The following SLC24A3 variants were observed in gnomAD, a reference collection of about 807,000 sequenced individuals.
The protein encoded by SLC24A3 is sodium/potassium/calcium exchanger 3.
In SLC24A3, 28 loss-of-function variants were observed where a neutral mutation model predicts 75.8. That is an observed-to-expected ratio of 0.37 (90% CI 0.27 to 0.51). SLC24A3 has a LOEUF of 0.51. SLC24A3 is among the 20% of genes least tolerant of loss of function. The pLI is 0.94. For synonymous variants in SLC24A3, 372 were observed against 334.1 expected (o/e 1.11, Z -1.24); for missense variants, 663 against 847.8 (o/e 0.78, Z 2.71).
chr20:19,669,040 A>G (rs1040588476), intron 8 of SLC24A3, among the ~76,000 whole-genome samples: 20 of 152,144 alleles, frequency 1.3e-4, no homozygotes, highest in African/African-American at 4.1e-4. Context: ...CTTTAGACCA[A>G]TCATGATTCA....
chr20:19,445,749 T>C (rs931928346), intron 2 of SLC24A3, among the ~76,000 whole-genome samples: 7 of 152,098 alleles, frequency 4.6e-5, no homozygotes, highest in African/African-American at 1.7e-4. Flanking sequence ...GAAGTGCCCT[T>C]GAGAGGGGAG....
chr20:19,285,529 C>T (rs1983793136), intron 2 of SLC24A3, among the ~76,000 whole-genome samples: 1 of 142,252 alleles, frequency 7.0e-6, no homozygotes, highest in Non-Finnish European at 1.5e-5. Flanking sequence ...CCCTTGAAGA[C>T]CTAGTTTTGG....
chr20:19,545,029 A>AT (rs1158860734), intron 3 of SLC24A3, among the ~76,000 whole-genome samples: 2 of 152,200 alleles, frequency 1.3e-5, no homozygotes, highest in East Asian at 1.9e-4. Context: ...CATATTCATA[A>AT]TTTTTTTAAA....
Position 19,280,339 on chromosome 20 carries a change from C to A in SLC24A3, c.143-620C>A, listed in dbSNP as rs558792779. Among the ~76,000 whole-genome samples, 5 of 152,232 alleles carry A rather than the reference C, an allele frequency of 3.3e-5. No homozygotes were observed. The South Asian group carries it at 6.2e-4, about 19-fold the overall frequency. ...TCATGAACCTATGCTTTGGGGATGG[C>A]AAATTATGTCTTTGCTTGATAACCC... On this transcript the variant is annotated intron_variant, in intron 1 of 16. Coordinates refer to ENST00000328041, the MANE Select transcript of SLC24A3 (RefSeq NM_020689.4).
At chr20:19,492,636 T>G (rs1988225234) in intron 2 of SLC24A3, among the ~76,000 whole-genome samples, 2 of 152,354 alleles carry the variant, frequency 1.3e-5, no homozygotes, top group South Asian at 4.1e-4. Flanking sequence ...CATATTTACA[T>G]GTTCACCATA....
At chr20:19,302,984 A>G (rs1365916922) in intron 2 of SLC24A3, among the ~76,000 whole-genome samples, 2 of 151,164 alleles carry the variant, frequency 1.3e-5, no homozygotes, top group East Asian at 3.9e-4. Context: ...GGAACGTGAT[A>G]ATGAACTTAG....
At chr20:19,708,714 G>A (rs1438955514) in intron 15 of SLC24A3, among the ~76,000 whole-genome samples, 1 of 152,220 alleles carries the variant, frequency 6.6e-6, no homozygotes, top group Non-Finnish European at 1.5e-5. Flanking sequence ...ACCTAGATAG[G>A]TAACTTGGGG....
At chr20:19,695,212 T>C (rs1352216314) in intron 13 of SLC24A3, among the ~76,000 whole-genome samples, 2 of 152,204 alleles carry the variant, frequency 1.3e-5, no homozygotes, top group Non-Finnish European at 2.9e-5. Flanking sequence ...TTGTGGCCTT[T>C]GGAGTGAAGT....
intron 2 of SLC24A3, among the ~76,000 whole-genome samples, chr20:19,322,900 A>G (rs1175408937): frequency 6.6e-6 from 1 of 152,166 alleles, no homozygotes; most frequent in Non-Finnish European, 1.5e-5. Context: ...TTGGATGAAG[A>G]AATTTTCCTT....
At chr20:19,563,938 A>G (rs1350885377) in intron 3 of SLC24A3, among the ~76,000 whole-genome samples, 4 of 152,212 alleles carry the variant, frequency 2.6e-5, no homozygotes, top group African/African-American at 7.2e-5. Flanking sequence ...TTTCTTACCA[A>G]CCTTGAAGTG....
At chr20:19,562,289 G>A (rs1451485372) in intron 3 of SLC24A3, among the ~76,000 whole-genome samples, 4 of 152,130 alleles carry the variant, frequency 2.6e-5, no homozygotes, top group Admixed American at 2.6e-4. Context: ...TCTAACAGCC[G>A]TAGAACCAAA....
intron 2 of SLC24A3, among the ~76,000 whole-genome samples, chr20:19,419,620 G>C (rs73900106): frequency 0.033 from 5,042 of 152,184 alleles, 256 homozygotes; most frequent in African/African-American, 0.11. Context: ...GATCCTGAGG[G>C]GAGGGATGTG....
chr20:19,264,056 TAA>T (rs369171233), intron 1 of SLC24A3: 11 of 122,296 alleles, frequency 9.0e-5, no homozygotes, highest in African/African-American at 1.5e-4. Flanking sequence ...ATCCCATCTC[TAA>T]AAAAAAAAAA....
chr20:19,476,362 A>G (rs1461607211), intron 2 of SLC24A3, among the ~76,000 whole-genome samples: 1 of 152,210 alleles, frequency 6.6e-6, no homozygotes, highest in Non-Finnish European at 1.5e-5. Context: ...CTGCTGTGCA[A>G]TATTAAATGT....
At chr20:19,451,461 C>A (rs1361962771) in intron 2 of SLC24A3, among the ~76,000 whole-genome samples, 1 of 152,202 alleles carries the variant, frequency 6.6e-6, no homozygotes, top group South Asian at 2.1e-4. Context: ...GCCCTTTGAG[C>A]GGAGCCAATC....
intron 8 of SLC24A3, among the ~76,000 whole-genome samples, chr20:19,671,963 G>A (rs2032473239): frequency 6.6e-6 from 1 of 152,132 alleles, no homozygotes; most frequent in Non-Finnish European, 1.5e-5. Context: ...GGAAGCCAGG[G>A]GTGTGGCCTC....
chr20:19,580,071 T>C lies in SLC24A3; in HGVS notation c.420T>C (p.Cys140=). ...DFFVPSLEKI[C]ERLHLSEDVA... Reference sequence around the variant, plus strand: ...TCGTCCCTTCCTTGGAAAAGATCTGTGAGGTACGTGCCTCACATTCTTGGT... The same window carrying C: ...TCGTCCCTTCCTTGGAAAAGATCTGCGAGGTACGTGCCTCACATTCTTGGT... The change falls in exon 4 of 17, where the codon TGT becomes TGC. Residue 140 remains cysteine, a synonymous_variant. Coordinates refer to ENST00000328041, the MANE Select transcript of SLC24A3 (RefSeq NM_020689.4). The C allele has an allele frequency of 6.2e-7, 1 of 1,613,250 alleles. No individual in the cohort carries two copies. Among genetic ancestry groups the C allele is most frequent in the Non-Finnish European group, 8.5e-7 (1 of 1,179,230 alleles).
intron 1 of SLC24A3, among the ~76,000 whole-genome samples, chr20:19,241,178 C>T (rs530277634): frequency 3.3e-5 from 5 of 152,316 alleles, no homozygotes; most frequent in South Asian, 2.1e-4. Flanking sequence ...AGTGGAGCAG[C>T]GGAGATGTGG....
At chr20:19,479,086 CAGGCCCA>C (rs1988008145) in intron 2 of SLC24A3, among the ~76,000 whole-genome samples, 1 of 152,246 alleles carries the variant, frequency 6.6e-6, no homozygotes, top group Non-Finnish European at 1.5e-5. Context: ...AGGCTTCTAA[CAGGCCCA>C]TGCCATGCTC....
Sources: allele counts gnomAD v4.1 joint callset (sites outside exome capture counted in the v4.1 genomes callset), GRCh38; gene constraint gnomAD v4.1.1; transcripts MANE v1.5; gene names NCBI Gene and HGNC (gene_info 2026-07-23, HGNC 2026-07-21).